The following LAMB4 variants were observed in gnomAD, a reference collection of about 807,000 sequenced individuals.
The protein encoded by LAMB4 is laminin subunit beta-4.
Under a neutral mutation model 199.2 loss-of-function variants are expected in LAMB4, and 196 were observed. The observed-to-expected ratio is 0.98, with a 90% CI of 0.88 to 1.11. The LOEUF (loss-of-function observed/expected upper bound fraction) is 1.11, where lower values mean the gene tolerates loss of function less well. Ranked by LOEUF, LAMB4 falls within the 50% of genes least tolerant of loss-of-function variation. LAMB4 has a pLI of 0.00. For missense variants in LAMB4, 2,080 were observed against 2,171.2 expected (o/e 0.96, Z 0.83); for synonymous variants, 744 against 770.6 (o/e 0.97, Z 0.57).
chr7:108,105,867 A>T lies in LAMB4; in HGVS notation c.820T>A (p.Cys274Ser). ...CCCCGCATCTTCTGCATAGGGCGAC[A>T]TTCGCTAGCATGGCCATTGCAAAAG... ...SCFCNGHASECRPMQKMRGDV... is the reference protein window; with the variant it reads ...SCFCNGHASESRPMQKMRGDV... Residue 274 changes from cysteine to serine, a missense_variant, in exon 8 of 34, where the codon TGT (cysteine) becomes AGT (serine). Coordinates refer to ENST00000388781, the MANE Select transcript of LAMB4 (RefSeq NM_007356.3). 1 of 1,614,258 alleles carries T rather than the reference A, an allele frequency of 6.2e-7. No individual in the cohort carries two copies.
chr7:108,037,520 T>C lies in LAMB4; in HGVS notation c.4547A>G (p.Gln1516Arg), dbSNP rs1018339702. Reference protein sequence around the residue: ...VLDIHLPIPSQNLTDELVKIQ... With the variant: ...VLDIHLPIPSRNLTDELVKIQ... ...TTTGACAAGTTCATCGGTTAGATTT[T>C]GGGATGGAATTGGTAGGTGAATGTC... The change falls in exon 30 of 34, where the codon CAA becomes CGA. Residue 1516 changes from glutamine to arginine, a missense_variant. Physicochemically the swap from Gln to Arg is conservative, Grantham distance 43. Transcript: ENST00000388781. The C allele has an allele frequency of 6.2e-6, 10 of 1,614,074 alleles. No individual in the cohort carries two copies. In the African/African-American group the frequency reaches 1.3e-4, roughly 22 times the overall value.
chr7:108,051,111 G>A (rs530422302), intron 26 of LAMB4, among the ~76,000 whole-genome samples: 94 of 152,242 alleles, frequency 6.2e-4, no homozygotes, highest in Non-Finnish European at 1.1e-3. Flanking sequence ...TTTACCTGGC[G>A]TGGGGTGACC....
At chr7:108,090,288 T>C (rs1204133435) in intron 14 of LAMB4, among the ~76,000 whole-genome samples, 1 of 152,242 alleles carries the variant, frequency 6.6e-6, no homozygotes, top group East Asian at 1.9e-4. Context: ...TTAAAGATCA[T>C]ACCCTCAGCA....
At chr7:108,060,907 G>A (rs750114643) in intron 23 of LAMB4, among the ~76,000 whole-genome samples, 14 of 152,192 alleles carry the variant, frequency 9.2e-5, no homozygotes, top group East Asian at 3.9e-4. Context: ...ACTTCCTTCC[G>A]TAGAGCACAG....
At chr7:108,035,915 G>A (rs1448298368) in intron 30 of LAMB4, among the ~76,000 whole-genome samples, 3 of 150,622 alleles carry the variant, frequency 2.0e-5, no homozygotes, top group African/African-American at 4.9e-5. Context: ...GTTCAGTGGT[G>A]CAGTCTCAGC....
At chr7:108,036,403 G>A (rs1484133394) in intron 30 of LAMB4, among the ~76,000 whole-genome samples, 1 of 152,080 alleles carries the variant, frequency 6.6e-6, no homozygotes, top group Middle Eastern at 3.2e-3. Context: ...GGTCAGGCTG[G>A]TCTCGAATTC....
At chr7:108,028,864 T>G (rs1331980569) in intron 33 of LAMB4, among the ~76,000 whole-genome samples, 179 bp downstream of exon 33, 1 of 152,152 alleles carries the variant, frequency 6.6e-6, no homozygotes, top group African/African-American at 2.4e-5. Context: ...TCTAGGCAAA[T>G]CCATGCAAGA....
At chr7:108,033,516 C>T (rs549413509) in intron 31 of LAMB4, among the ~76,000 whole-genome samples, 48 of 152,248 alleles carry the variant, frequency 3.2e-4, no homozygotes, top group African/African-American at 1.1e-3. Flanking sequence ...AGGAGCGATT[C>T]TGTTGCCTCA....
the LAMB4 span, among the ~76,000 whole-genome samples, chr7:108,017,336 A>G: frequency 1.3e-5 from 2 of 152,162 alleles, no homozygotes; most frequent in Admixed American, 1.3e-4. Context: ...GAGACATCCT[A>G]CCTAGGCTGT....
intron 14 of LAMB4, among the ~76,000 whole-genome samples, chr7:108,091,159 T>C (rs2150609988): frequency 6.6e-6 from 1 of 152,124 alleles, no homozygotes; most frequent in Admixed American, 6.5e-5. Context: ...CCTTCTATAC[T>C]TTCGTCATGC....
intron 1 of LAMB4, among the ~76,000 whole-genome samples, chr7:108,128,584 A>G (rs1165928670): frequency 6.6e-6 from 1 of 152,034 alleles, no homozygotes; most frequent in Non-Finnish European, 1.5e-5. Context: ...ATTTTAGGAG[A>G]GCTAAGCTCC....
At chr7:108,089,979 A>G (rs900144588) in intron 14 of LAMB4, among the ~76,000 whole-genome samples, 1 of 152,124 alleles carries the variant, frequency 6.6e-6, no homozygotes, top group African/African-American at 2.4e-5. Context: ...AAGAGTTTTG[A>G]AACCAGATGC....
At chr7:108,099,044 G>A (rs1271726567) in intron 10 of LAMB4, among the ~76,000 whole-genome samples, 3 of 152,120 alleles carry the variant, frequency 2.0e-5, no homozygotes, top group Non-Finnish European at 4.4e-5. Flanking sequence ...GTGAAAATAA[G>A]GTCAAAATCT....
At chr7:108,099,175 A>G (rs1209194992) in intron 10 of LAMB4, among the ~76,000 whole-genome samples, 3 of 152,224 alleles carry the variant, frequency 2.0e-5, no homozygotes, top group African/African-American at 7.2e-5. Flanking sequence ...GGGAGGGAAT[A>G]GTGAGAAGTA....
chr7:108,057,880 T>A lies in LAMB4; in HGVS notation c.3331A>T (p.Ser1111Cys). ...CCATAATAATTTTCCTGGCACTCACTGCAACGTTTCCCGCCGTAACCTAAT... is the reference window on the plus strand; with the variant it reads ...CCATAATAATTTTCCTGGCACTCACAGCAACGTTTCCCGCCGTAACCTAAT... ...CKLGYGGKRCSECQENYYGDP... is the reference protein window; with the variant it reads ...CKLGYGGKRCCECQENYYGDP... The change falls in exon 24 of 34, where the codon AGT (serine) becomes TGT (cysteine). Residue 1111 changes from serine to cysteine, a missense_variant. Coordinates refer to ENST00000388781, the MANE Select transcript of LAMB4 (RefSeq NM_007356.3). 1.2e-6 allele frequency: 2 copies of A among 1,613,722 alleles called. No homozygotes were observed. The highest frequency in any genetic ancestry group is 2.2e-5 in the East Asian group (1 of 44,864).
chr7:108,050,952 C>T (rs933718984), intron 26 of LAMB4, among the ~76,000 whole-genome samples: 10 of 152,054 alleles, frequency 6.6e-5, no homozygotes, highest in African/African-American at 2.4e-4. Context: ...GTCCCCTGCC[C>T]CCATTAGACA....
chr7:108,092,818 C>T (rs1169694356), intron 12 of LAMB4, among the ~76,000 whole-genome samples: 4 of 151,928 alleles, frequency 2.6e-5, no homozygotes, highest in Non-Finnish European at 5.9e-5. Flanking sequence ...GCAGGAGAAT[C>T]GTTTGAACGT....
Position 108,079,656 on chromosome 7 carries a change from A to T in LAMB4, c.1832T>A (p.Val611Asp), listed in dbSNP as rs760663618. The change falls in exon 15 of 34, where the codon GTC becomes GAC. Residue 611 changes from valine to aspartate, a missense_variant. By Grantham distance (152) the Val-to-Asp change is radical. Coordinates refer to ENST00000388781, the MANE Select transcript of LAMB4 (RefSeq NM_007356.3). ...GTCCACAGGAAAGGGAATGTTGTTG[A>T]CAGCAAATCTCAAGCCAGCCCCAGG... Reference protein sequence around the residue: ...VLPGAGLRFAVNNIPFPVDFT... With the variant: ...VLPGAGLRFADNNIPFPVDFT... The T allele has an allele frequency of 1.2e-6, 2 of 1,613,238 alleles. No homozygotes were observed. Among genetic ancestry groups the T allele is most frequent in the South Asian group, 2.2e-5 (2 of 90,720 alleles).
chr7:108,013,020 G>A, the LAMB4 span, among the ~76,000 whole-genome samples: 1 of 152,178 alleles, frequency 6.6e-6, no homozygotes. Flanking sequence ...GATTATTCTA[G>A]AACAGATGTG....
Sources: allele counts gnomAD v4.1 joint callset (sites outside exome capture counted in the v4.1 genomes callset), GRCh38; gene constraint gnomAD v4.1.1; transcripts MANE v1.5; gene names NCBI Gene and HGNC (gene_info 2026-07-23, HGNC 2026-07-21).